UTRN: variants seen among roughly 807,000 people sequenced by gnomAD.
The protein encoded by UTRN is utrophin.
In UTRN, 283 loss-of-function variants were observed where a neutral mutation model predicts 463.9. That is an observed-to-expected ratio of 0.61 (90% CI 0.55 to 0.67). The LOEUF (loss-of-function observed/expected upper bound fraction) is 0.67, where lower values mean the gene tolerates loss of function less well. Ranked by LOEUF, UTRN falls within the 30% of genes least tolerant of loss-of-function variation. The probability of loss-of-function intolerance (pLI) is 0.00; values close to 1 mark genes in which losing one functional copy is unlikely to be tolerated. For missense variants in UTRN, 3,922 were observed against 4,084.3 expected (o/e 0.96, Z 1.08); for synonymous variants, 1,442 against 1,431.5 (o/e 1.01, Z -0.17).
At chr6:144,749,515 A>G (rs916927121) in intron 55 of UTRN, among the ~76,000 whole-genome samples, 7 of 152,176 alleles carry the variant, frequency 4.6e-5, no homozygotes, top group African/African-American at 7.2e-5. Context: ...ATAGTCTTTT[A>G]TTCTGTTATA....
chr6:144,662,651 C>T (rs76842081), intron 51 of UTRN, among the ~76,000 whole-genome samples: 2,271 of 152,218 alleles, frequency 0.015, 52 homozygotes, highest in African/African-American at 0.051. Flanking sequence ...TTTAAGAAAA[C>T]GAGGGTCCAC....
chr6:144,665,388 A>T (rs1041685458), intron 51 of UTRN, among the ~76,000 whole-genome samples: 1 of 152,176 alleles, frequency 6.6e-6, no homozygotes, highest in Admixed American at 6.5e-5. Context: ...TTTATAATGT[A>T]TATCACATAA....
intron 51 of UTRN, among the ~76,000 whole-genome samples, chr6:144,646,182 T>C (rs1470594952): frequency 3.3e-5 from 5 of 152,208 alleles, no homozygotes; most frequent in African/African-American, 1.2e-4. Flanking sequence ...TGTCATGCAA[T>C]TCTATTCGGC....
At chr6:144,357,136 TGG>T (rs1778633448) in intron 2 of UTRN, among the ~76,000 whole-genome samples, 1 of 152,174 alleles carries the variant, frequency 6.6e-6, no homozygotes, top group Non-Finnish European at 1.5e-5. Context: ...TTGAGACTGT[TGG>T]AGCACATGGG....
At chr6:144,442,396 C>T (rs765338410) in intron 13 of UTRN, among the ~76,000 whole-genome samples, 3 of 152,178 alleles carry the variant, frequency 2.0e-5, no homozygotes, top group Non-Finnish European at 4.4e-5. Context: ...GTTCCAAAGT[C>T]ACTTCTACAT....
intron 69 of UTRN, among the ~76,000 whole-genome samples, chr6:144,831,334 G>A (rs1586754264): frequency 6.6e-6 from 1 of 152,180 alleles, no homozygotes; most frequent in East Asian, 1.9e-4. Context: ...ATAAAGGGTA[G>A]GAAGGAGAGC....
rs574351356 is a variant in UTRN at position 144,475,569 on chromosome 6, G to A, written c.3336+810G>A. ...AAGCAATTGGAAGGTTTTGAACAGG[G>A]AAGTGACATGTGATATAGATCTTTT... is the stretch of plus-strand genomic sequence containing the variant. On this transcript the variant is annotated intron_variant, in intron 25 of 74. Coordinates refer to ENST00000367545, the MANE Select transcript of UTRN (RefSeq NM_007124.3). 1.2e-4 allele frequency among the ~76,000 whole-genome samples: 18 copies of A among 152,306 alleles called. No homozygotes were observed. The Middle Eastern group carries it at 0.014, about 115-fold the overall frequency.
intron 73 of UTRN, 86 bp downstream of exon 73, chr6:144,840,918 A>G (rs755376788): frequency 9.3e-6 from 13 of 1,400,666 alleles, no homozygotes; most frequent in Non-Finnish European, 1.3e-5. Context: ...CTTCTTCCTT[A>G]AGATAACAAA....
intron 51 of UTRN, among the ~76,000 whole-genome samples, chr6:144,613,583 G>A (rs1196617303): frequency 6.6e-6 from 1 of 151,956 alleles, no homozygotes; most frequent in Non-Finnish European, 1.5e-5. Flanking sequence ...CAAAATTATG[G>A]TTATGGAAAG....
chr6:144,353,415 T>A (rs531534633), intron 2 of UTRN, among the ~76,000 whole-genome samples: 2 of 136,930 alleles, frequency 1.5e-5, no homozygotes, highest in African/African-American at 5.0e-5. Flanking sequence ...TGCCCGGCCC[T>A]TCTGATTTTT....
intron 55 of UTRN, among the ~76,000 whole-genome samples, chr6:144,751,604 G>A (rs1791409368): frequency 6.6e-6 from 1 of 151,966 alleles, no homozygotes; most frequent in African/African-American, 2.4e-5. Context: ...TATATATATG[G>A]GTTTCGCATC....
chr6:144,422,769 G>GATGC (rs1784944951), intron 4 of UTRN, among the ~76,000 whole-genome samples: 1 of 152,184 alleles, frequency 6.6e-6, no homozygotes, highest in South Asian at 2.1e-4. Context: ...CAATAAAGAG[G>GATGC]ATGCATGTAT....
intron 3 of UTRN, among the ~76,000 whole-genome samples, chr6:144,411,268 G>A (rs1392974868): frequency 6.6e-6 from 1 of 152,166 alleles, no homozygotes; most frequent in African/African-American, 2.4e-5. Flanking sequence ...GGAGTGAAGT[G>A]GTATGGCATT....
At chr6:144,415,959 C>T (rs1302232824) in intron 3 of UTRN, among the ~76,000 whole-genome samples, 1 of 151,914 alleles carries the variant, frequency 6.6e-6, no homozygotes, top group Non-Finnish European at 1.5e-5. Context: ...GGAATGACTC[C>T]TTTGTTTTTG....
At chr6:144,408,196 C>T (rs1013569595) in intron 3 of UTRN, among the ~76,000 whole-genome samples, 5 of 152,332 alleles carry the variant, frequency 3.3e-5, no homozygotes, top group Non-Finnish European at 5.9e-5. Context: ...CCGTGCCACA[C>T]GTAAACAGAA....
intron 50 of UTRN, among the ~76,000 whole-genome samples, 178 bp from the exon 51 acceptor site, chr6:144,576,921 T>G (rs1482647108): frequency 6.6e-6 from 1 of 152,200 alleles, no homozygotes; most frequent in Non-Finnish European, 1.5e-5. Context: ...ATTCACATGA[T>G]CCCTCCACTA....
intron 71 of UTRN, among the ~76,000 whole-genome samples, chr6:144,837,674 GA>G (rs1173454283): frequency 2.6e-5 from 4 of 152,324 alleles, no homozygotes; most frequent in African/African-American, 9.6e-5. Context: ...TCAAATTTTA[GA>G]AAACTGCCTT....
rs1012452617 is a variant in UTRN, at chr6:144,835,794, C to G, written c.9680C>G (p.Ala3227Gly). The G allele has an allele frequency of 3.1e-6, 5 of 1,614,046 alleles. No homozygotes were observed. In the South Asian group the frequency reaches 5.5e-5, roughly 18 times the overall value. Residue 3227 changes from alanine (A) to glycine (G), a missense_variant, in exon 70 of 75, where the codon GCC becomes GGC. Physicochemically the swap from Ala to Gly is moderately conservative, Grantham distance 60. Transcript: ENST00000367545. ...STTGSVEDEH[A>G]LIQQYCQTLG... ...TGTCTTGCTAGGGAAGACGAGCACG[C>G]CCTCATCCAGCAGTATTGCCAAACA...
intron 58 of UTRN, among the ~76,000 whole-genome samples, chr6:144,761,571 G>A (rs1375613969): frequency 1.3e-5 from 2 of 151,942 alleles, no homozygotes; most frequent in Admixed American, 6.6e-5. Context: ...ACTTGAGCCC[G>A]GGAGGTCAAG....
Sources: gnomAD v4.1 joint callset for allele counts (sites outside exome capture counted in the v4.1 genomes callset) on GRCh38, gnomAD v4.1.1 for gene constraint, MANE v1.5 for transcripts, NCBI Gene and HGNC (gene_info 2026-07-23, HGNC 2026-07-21) for gene names.